Variants in RCAN2 observed in about 807,000 individuals in gnomAD.
RCAN2 encodes the protein regulator of calcineurin 2, also known as calcipressin-2.
Under a neutral mutation model 23.6 loss-of-function variants are expected in RCAN2, and 9 were observed. The ratio of observed to expected loss-of-function variants is 0.38; its 90% CI spans 0.23 to 0.67. The LOEUF (loss-of-function observed/expected upper bound fraction) is 0.67, where lower values mean the gene tolerates loss of function less well. RCAN2 is among the 30% of genes least tolerant of loss of function. RCAN2 has a pLI of 0.51. For synonymous variants in RCAN2, 109 were observed against 115.7 expected (o/e 0.94, Z 0.37); for missense variants, 273 against 302.3 (o/e 0.90, Z 0.72).
chr6:46,385,726 G>A lies in RCAN2; in HGVS notation c.225+71026C>T, dbSNP rs376109112. Among the ~76,000 whole-genome samples, 47 of 151,732 alleles carry A rather than the reference G, an allele frequency of 3.1e-4. 1 individual carries two copies. The Middle Eastern group carries it at 0.01, about 33-fold the overall frequency. On this transcript the variant is annotated intron_variant, in intron 2 of 4. Transcript: ENST00000371374. ...ACAAAAATTAGCAGGGCATGGTGGC[G>A]CATGCCTATAATCCCAGCTACTCAG... is the stretch of plus-strand genomic sequence containing the variant.
intron 2 of RCAN2, among the ~76,000 whole-genome samples, chr6:46,378,439 G>A (rs1452331679): frequency 6.6e-6 from 1 of 152,178 alleles, no homozygotes; most frequent in African/African-American, 2.4e-5. Flanking sequence ...GTGAGCTTGA[G>A]ATCTGGTCTT....
At chr6:46,432,339 G>A (rs546976777) in intron 2 of RCAN2, among the ~76,000 whole-genome samples, 207 of 151,922 alleles carry the variant, frequency 1.4e-3, no homozygotes, top group Middle Eastern at 6.8e-3. Flanking sequence ...TCAGCCTCCC[G>A]GGTAGCTGGG....
intron 2 of RCAN2, among the ~76,000 whole-genome samples, chr6:46,259,197 A>C (rs1241815945): frequency 6.6e-6 from 1 of 152,196 alleles, no homozygotes; most frequent in Non-Finnish European, 1.5e-5. Context: ...AAACAAAAAC[A>C]AAAACAAAAC....
chr6:46,271,575 C>CTAAG (rs1767525539), intron 2 of RCAN2, among the ~76,000 whole-genome samples: 1 of 152,186 alleles, frequency 6.6e-6, no homozygotes, highest in Admixed American at 6.5e-5. Context: ...CACTGGTGAA[C>CTAAG]TAAGGCCAGT....
At chr6:46,290,477 A>C (rs1345130782) in intron 2 of RCAN2, among the ~76,000 whole-genome samples, 1 of 152,214 alleles carries the variant, frequency 6.6e-6, no homozygotes, top group Non-Finnish European at 1.5e-5. Flanking sequence ...GTTCAGTGAT[A>C]AATGGAAGCC....
intron 2 of RCAN2, among the ~76,000 whole-genome samples, chr6:46,267,505 A>AC (rs1338640403): frequency 7.9e-5 from 12 of 152,184 alleles, no homozygotes; most frequent in African/African-American, 2.9e-4. Context: ...ACATAGGAAG[A>AC]CCCCATCTCT....
chr6:46,306,738 C>A (rs938519654), intron 2 of RCAN2, among the ~76,000 whole-genome samples: 1 of 150,090 alleles, frequency 6.7e-6, no homozygotes, highest in Non-Finnish European at 1.5e-5. Context: ...TTTCTGGAAG[C>A]CTTCTTAAGT....
chr6:46,253,641 G>A (rs1420740519), intron 2 of RCAN2, among the ~76,000 whole-genome samples: 1 of 152,038 alleles, frequency 6.6e-6, no homozygotes, highest in African/African-American at 2.4e-5. Context: ...AGTAAAATTG[G>A]CATTTTCTTT....
chr6:46,473,939 C>T (rs373167939), intron 1 of RCAN2, among the ~76,000 whole-genome samples: 2 of 152,178 alleles, frequency 1.3e-5, no homozygotes, highest in South Asian at 4.1e-4. Flanking sequence ...TGAGAAGCTA[C>T]TATGTGCAAA....
chr6:46,411,113 G>A (rs1224188227), intron 2 of RCAN2, among the ~76,000 whole-genome samples: 7 of 152,220 alleles, frequency 4.6e-5, no homozygotes, highest in African/African-American at 1.7e-4. Flanking sequence ...ATAGCATATA[G>A]TATACAGAGC....
At chr6:46,384,331 G>A (rs1765687258) in intron 2 of RCAN2, among the ~76,000 whole-genome samples, 1 of 152,162 alleles carries the variant, frequency 6.6e-6, no homozygotes, top group Non-Finnish European at 1.5e-5. Flanking sequence ...ACTGGACCTT[G>A]ACCAATATAT....
intron 2 of RCAN2, among the ~76,000 whole-genome samples, chr6:46,304,651 T>G (rs772932078): frequency 6.6e-6 from 1 of 152,104 alleles, no homozygotes; most frequent in Non-Finnish European, 1.5e-5. Flanking sequence ...AGCACAGTGG[T>G]ACTGAGGCAG....
intron 2 of RCAN2, among the ~76,000 whole-genome samples, chr6:46,426,838 G>A (rs2150414913): frequency 6.6e-6 from 1 of 152,274 alleles, no homozygotes; most frequent in East Asian, 1.9e-4. Context: ...ACTTGCTCAA[G>A]GTCACACAGC....
intron 2 of RCAN2, among the ~76,000 whole-genome samples, chr6:46,421,062 G>T (rs1391340086): frequency 6.6e-6 from 1 of 152,148 alleles, no homozygotes; most frequent in African/African-American, 2.4e-5. Context: ...ATTTCACAAA[G>T]TTGTTTTGAT....
At chr6:46,292,423 G>GTTTTTTTTTTTT (rs869232910) in intron 2 of RCAN2, among the ~76,000 whole-genome samples, 6 of 107,548 alleles carry the variant, frequency 5.6e-5, no homozygotes, top group African/African-American at 2.4e-4. Flanking sequence ...GAGTTGATTT[G>GTTTTTTTTTTTT]TTGTTTTTTT....
intron 2 of RCAN2, among the ~76,000 whole-genome samples, chr6:46,323,673 C>T (rs1763692518): frequency 6.6e-6 from 1 of 152,108 alleles, no homozygotes; most frequent in Non-Finnish European, 1.5e-5. Flanking sequence ...ATCATTTTTC[C>T]ATAAAACCAC....
intron 2 of RCAN2, among the ~76,000 whole-genome samples, chr6:46,438,848 A>T (rs1393176793): frequency 6.6e-6 from 1 of 152,144 alleles, no homozygotes; most frequent in Non-Finnish European, 1.5e-5. Context: ...AATACTTGGG[A>T]CATGGTAGAG....
intron 2 of RCAN2, among the ~76,000 whole-genome samples, chr6:46,329,598 T>C (rs1763897823): frequency 6.6e-6 from 1 of 151,986 alleles, no homozygotes; most frequent in Admixed American, 6.5e-5. Flanking sequence ...CCAATAGAGG[T>C]GCCTCCTAGA....
In RCAN2 at chr6:46,375,602, C is replaced by T. The variant is rs190825563; in HGVS notation, c.225+81150G>A. 2.3e-3 allele frequency among the ~76,000 whole-genome samples: 351 copies of T among 152,260 alleles called. 1 individual carries two copies. Among genetic ancestry groups the T allele is most frequent in the African/African-American group, 8.1e-3 (338 of 41,542 alleles). ...AACTGCATCAGCCAATTTGTCATTC[C>T]AGGAAAACAATCCTCCATATTTATG... On this transcript the variant is annotated intron_variant, in intron 2 of 4. Coordinates refer to ENST00000371374, the MANE Select transcript of RCAN2 (RefSeq NM_001251974.2).
Sources: allele counts gnomAD v4.1 joint callset (sites outside exome capture counted in the v4.1 genomes callset), GRCh38; gene constraint gnomAD v4.1.1; transcripts MANE v1.5; gene names NCBI Gene and HGNC (gene_info 2026-07-23, HGNC 2026-07-21).